METTL25: variants seen among roughly 807,000 people sequenced by gnomAD.
The protein encoded by METTL25 is methyltransferase like 25, also known as probable methyltransferase-like protein 25.
Under a neutral mutation model 71.6 loss-of-function variants are expected in METTL25, and 64 were observed. That is an observed-to-expected ratio of 0.89 (90% CI 0.73 to 1.10). METTL25 has a LOEUF of 1.10. Ranked by LOEUF, METTL25 falls within the 50% of genes least tolerant of loss-of-function variation. METTL25 has a pLI of 0.00. For missense variants in METTL25, 807 were observed against 707.0 expected (o/e 1.14, Z -1.60); for synonymous variants, 287 against 250.3 (o/e 1.15, Z -1.38).
chr12:82,410,168 T>C (rs1318871490), intron 5 of METTL25, among the ~76,000 whole-genome samples: 1 of 152,130 alleles, frequency 6.6e-6, no homozygotes. Flanking sequence ...ACAAATATTC[T>C]ATATATGATA....
chr12:82,453,109 T>G (rs925880545), intron 8 of METTL25, among the ~76,000 whole-genome samples: 3 of 152,166 alleles, frequency 2.0e-5, no homozygotes, highest in African/African-American at 7.2e-5. Context: ...GCTGATGAGT[T>G]TGGGCAATAA....
At position 82,428,128 on chromosome 12, in the gene METTL25, G is replaced by T. The variant is rs148030852; in HGVS notation, c.1280-2765G>T. The stretch of plus-strand genomic sequence containing the variant: ...GCAGGTAGGGGTAGAAAGTGTGGGT[G>T]AAAGAACATACCCCCCCATCCCTTT... On this transcript the variant is annotated intron_variant, in intron 5 of 11. Coordinates refer to ENST00000248306, the MANE Select transcript of METTL25 (RefSeq NM_032230.3). Among the ~76,000 whole-genome samples, 564 of 151,986 alleles carry T rather than the reference G, an allele frequency of 3.7e-3. 3 individuals carry two copies. Among genetic ancestry groups the T allele is most frequent in the African/African-American group, 0.013 (539 of 41,508 alleles).
intron 5 of METTL25, among the ~76,000 whole-genome samples, chr12:82,411,034 C>T (rs1262974448): frequency 2.0e-5 from 3 of 152,030 alleles, no homozygotes; most frequent in African/African-American, 4.8e-5. Context: ...GATATCTTGG[C>T]TGACCCTCCT....
rs531983179 is a variant in METTL25, at chr12:82,464,150, C to T, written c.1572+7330C>T. The stretch of plus-strand genomic sequence containing the variant: ...CTTTGCTTATTTTTGCTTTAGTTGC[C>T]GGTGCTTTTGAGGTCTTACTCAAAA... On this transcript the variant is annotated intron_variant, in intron 9 of 11. Transcript: ENST00000248306. 2.2e-3 allele frequency among the ~76,000 whole-genome samples: 327 copies of T among 151,824 alleles called. 1 individual carries two copies. The highest frequency in any genetic ancestry group is 7.2e-3 in the African/African-American group (298 of 41,436).
intron 6 of METTL25, among the ~76,000 whole-genome samples, chr12:82,432,924 CAGTT>C: frequency 7.1e-6 from 1 of 140,108 alleles, no homozygotes; most frequent in Middle Eastern, 3.4e-3. Context: ...TTCAGATAAA[CAGTT>C]AAGGATACTA....
rs76072195 is a variant in METTL25 at position 82,473,936 on chromosome 12, T to G, written c.1573-2708T>G. On this transcript the variant is annotated intron_variant, in intron 9 of 11. Transcript: ENST00000248306. ...TGGAATGAAGATAGAACCCCAGTGG[T>G]GTAGAGGTAGTGTTACTGACTTTCA... is the stretch of plus-strand genomic sequence containing the variant. 6.1e-3 allele frequency among the ~76,000 whole-genome samples: 923 copies of G among 152,160 alleles called. 7 individuals carry two copies. Among genetic ancestry groups the G allele is most frequent in the Non-Finnish European group, 8.7e-3 (592 of 67,984 alleles).
chr12:82,454,425 T>C (rs1372009765), intron 8 of METTL25, among the ~76,000 whole-genome samples: 5 of 152,074 alleles, frequency 3.3e-5, no homozygotes, highest in Non-Finnish European at 5.9e-5. Context: ...GGCAGTGTTA[T>C]AAAGAGATGA....
At chr12:82,402,704 A>G (rs956768581) in intron 4 of METTL25, among the ~76,000 whole-genome samples, 9 of 152,312 alleles carry the variant, frequency 5.9e-5, no homozygotes, top group Middle Eastern at 3.4e-3. Context: ...TTAAATCATT[A>G]AAGATTTAAT....
At chr12:82,367,621 A>C (rs1391583885) in intron 1 of METTL25, among the ~76,000 whole-genome samples, 1 of 152,182 alleles carries the variant, frequency 6.6e-6, no homozygotes, top group African/African-American at 2.4e-5. Context: ...AATGGCTTCC[A>C]ACCTGTTGTT....
intron 8 of METTL25, among the ~76,000 whole-genome samples, chr12:82,451,846 T>G (rs1226605654): frequency 6.6e-6 from 1 of 152,176 alleles, no homozygotes; most frequent in Non-Finnish European, 1.5e-5. Context: ...TCTTCTGAAA[T>G]ATTAATATGT....
At chr12:82,454,815 A>T (rs1366010956) in intron 8 of METTL25, among the ~76,000 whole-genome samples, 1 of 151,944 alleles carries the variant, frequency 6.6e-6, no homozygotes, top group Non-Finnish European at 1.5e-5. Context: ...AGGGTCTTTT[A>T]ACAGTATAAT....
Position 82,434,702 on chromosome 12 carries a change from A to G in METTL25, c.1382A>G (p.Glu461Gly). ...NARMSACLALERVAAGQGLPT... is the reference protein window; with the variant it reads ...NARMSACLALGRVAAGQGLPT... ...TGTTTTTTTCCCTTTAAGGCATTGG[A>G]GCGGGTTGCAGCTGGCCAAGGGGTA... Residue 461 changes from glutamate to glycine, a missense_variant, in exon 7 of 12, where the codon GAG becomes GGG. Physicochemically the swap from Glu to Gly is moderately conservative, Grantham distance 98. Coordinates refer to ENST00000248306, the MANE Select transcript of METTL25 (RefSeq NM_032230.3). The G allele has an allele frequency of 3.1e-6, 5 of 1,609,450 alleles. No individual in the cohort carries two copies. Among genetic ancestry groups the G allele is most frequent in the Non-Finnish European group, 4.2e-6 (5 of 1,176,886 alleles).
chr12:82,392,095 T>A (rs572286415), intron 3 of METTL25, among the ~76,000 whole-genome samples: 31 of 150,418 alleles, frequency 2.1e-4, no homozygotes, highest in African/African-American at 7.3e-4. Flanking sequence ...TTTATTTATT[T>A]TTTATTTATT....
At chr12:82,386,454 C>CCTCT (rs1193846849) in intron 1 of METTL25, among the ~76,000 whole-genome samples, 9 of 135,850 alleles carry the variant, frequency 6.6e-5, no homozygotes, top group East Asian at 4.5e-4. Flanking sequence ...TCCCTCCCTC[C>CCTCT]CTCTCTCTCT....
chr12:82,388,329 C>T (rs568789136), intron 2 of METTL25, among the ~76,000 whole-genome samples: 1 of 152,184 alleles, frequency 6.6e-6, no homozygotes, highest in Admixed American at 6.6e-5. Flanking sequence ...TTAAATCTCT[C>T]TAACCATTTT....
At chr12:82,370,127 G>A (rs1394927077) in intron 1 of METTL25, among the ~76,000 whole-genome samples, 1 of 152,190 alleles carries the variant, frequency 6.6e-6, no homozygotes, top group East Asian at 1.9e-4. Context: ...CTGGATAGGG[G>A]TGAAGAAGGA....
rs1203717392 is a variant in METTL25 at position 82,394,362 on chromosome 12, C to G, written c.532-4433C>G. 2.0e-5 allele frequency among the ~76,000 whole-genome samples: 3 copies of G among 151,694 alleles called. No homozygotes were observed. The East Asian group carries it at 5.8e-4, about 29-fold the overall frequency. On this transcript the variant is annotated intron_variant, in intron 3 of 11. Coordinates refer to ENST00000248306, the MANE Select transcript of METTL25 (RefSeq NM_032230.3). ...CAAATTTCATGAGGTAAGTAGAAAC[C>G]CAGATTCTGAAATACATAACCTTAT...
At chr12:82,438,383 C>T (rs929272087) in intron 7 of METTL25, 26 of 177,346 alleles carry the variant, frequency 1.5e-4, no homozygotes, top group Non-Finnish European at 2.5e-4. Context: ...TTAAATGCTC[C>T]AGAGCTGACT....
At chr12:82,371,333 C>G (rs1260595687) in intron 1 of METTL25, among the ~76,000 whole-genome samples, 1 of 152,204 alleles carries the variant, frequency 6.6e-6, no homozygotes, top group East Asian at 1.9e-4. Context: ...GGCCTCCTGG[C>G]CCGGAGAATC....
Sources: gnomAD v4.1 joint callset for allele counts (sites outside exome capture counted in the v4.1 genomes callset) on GRCh38, gnomAD v4.1.1 for gene constraint, MANE v1.5 for transcripts, NCBI Gene and HGNC (gene_info 2026-07-23, HGNC 2026-07-21) for gene names.